PITPNA: variants seen among roughly 807,000 people sequenced by gnomAD.
PITPNA encodes phosphatidylinositol transfer protein alpha isoform.
PITPNA carries 13 observed loss-of-function variants against 50.3 expected under a neutral mutation model. The ratio of observed to expected loss-of-function variants is 0.26; its 90% CI spans 0.17 to 0.41. The LOEUF (loss-of-function observed/expected upper bound fraction) is 0.41, where lower values mean the gene tolerates loss of function less well. Ranked by LOEUF, PITPNA falls within the 10% of genes least tolerant of loss-of-function variation. The probability of loss-of-function intolerance (pLI) is 1.00; values close to 1 mark genes in which losing one functional copy is unlikely to be tolerated. For missense variants in PITPNA, 207 were observed against 333.4 expected, an observed-to-expected ratio of 0.62 and a Z score of 2.95; for synonymous variants, 120 against 119.6, an observed-to-expected ratio of 1.00 and a Z score of -0.02.
intron 8 of PITPNA, 30 bp downstream of exon 8, chr17:1,535,411 G>T: frequency 6.3e-7 from 1 of 1,580,272 alleles, no homozygotes; most frequent in Non-Finnish European, 8.7e-7. Context: ...ATGCTGCCCA[G>T]CCCCCTGGCA....
intron 6 of PITPNA, among the ~76,000 whole-genome samples, chr17:1,540,738 G>A (rs1456854449): frequency 2.0e-5 from 3 of 152,094 alleles, no homozygotes; most frequent in East Asian, 1.9e-4. Flanking sequence ...ACAGGTGCCC[G>A]CCATGAAGCC....
At chr17:1,538,180 A>G (rs1265170481) in intron 7 of PITPNA, among the ~76,000 whole-genome samples, 2 of 152,206 alleles carry the variant, frequency 1.3e-5, no homozygotes, top group East Asian at 3.9e-4. Context: ...CACATTCCCT[A>G]TCAGTGGGCA....
intron 10 of PITPNA, among the ~76,000 whole-genome samples, chr17:1,525,247 C>CA (rs1358908519): frequency 2.6e-5 from 4 of 152,004 alleles, no homozygotes; most frequent in Non-Finnish European, 5.9e-5. Context: ...CTCAGCCTCC[C>CA]AAAGTGCTGG....
At chr17:1,541,115 T>G (rs1339098171) in intron 6 of PITPNA, among the ~76,000 whole-genome samples, 1 of 152,194 alleles carries the variant, frequency 6.6e-6, no homozygotes, top group African/African-American at 2.4e-5. Context: ...TTGCCCAGGA[T>G]GGTCTTACAT....
chr17:1,543,567 A>C (rs1199559418), intron 4 of PITPNA, among the ~76,000 whole-genome samples: 1 of 152,090 alleles, frequency 6.6e-6, no homozygotes, highest in African/African-American at 2.4e-5. Context: ...TGCACCTCTC[A>C]TGTCACTGGG....
intron 10 of PITPNA, among the ~76,000 whole-genome samples, chr17:1,528,018 C>A (rs2075558347): frequency 6.6e-6 from 1 of 152,152 alleles, no homozygotes; most frequent in Non-Finnish European, 1.5e-5. Context: ...CCTGTCTCTA[C>A]AAAAATTAAA....
At position 1,558,549 on chromosome 17, in the gene PITPNA, G is replaced by A. The variant is rs777373225; in HGVS notation, c.31C>T (p.Leu11=). The A allele has an allele frequency of 1.2e-6, 2 of 1,604,086 alleles. No homozygotes were observed. Among genetic ancestry groups the A allele is most frequent in the Non-Finnish European group, 1.7e-6 (2 of 1,171,888 alleles). The change falls in exon 2 of 12, where the codon CTG becomes TTG. Residue 11 remains leucine, a synonymous_variant. Transcript: ENST00000313486. The stretch of plus-strand genomic sequence containing the variant: ...CTTACCTCATCTACAGACACAGGCA[G>A]GATTACTCGACTATAAGAAAGGGAA... MVLLKEYRVI[L]PVSVDEYQVG... is the part of the protein sequence containing the mutation.
At chr17:1,525,796 G>A (rs2075544343) in intron 10 of PITPNA, among the ~76,000 whole-genome samples, 1 of 152,218 alleles carries the variant, frequency 6.6e-6, no homozygotes. Flanking sequence ...GGGATGACAG[G>A]CGTGAGCCAT....
At chr17:1,546,935 T>C (rs1159639580) in intron 4 of PITPNA, among the ~76,000 whole-genome samples, 1 of 152,204 alleles carries the variant, frequency 6.6e-6, no homozygotes, top group African/African-American at 2.4e-5. Context: ...CAGAACATGC[T>C]GTTTCAGCAG....
chr17:1,529,244 T>TG (rs2075567175), intron 10 of PITPNA, among the ~76,000 whole-genome samples: 1 of 151,614 alleles, frequency 6.6e-6, no homozygotes, highest in Non-Finnish European at 1.5e-5. Flanking sequence ...TTTTAGAGGC[T>TG]GGGCATGGTG....
intron 4 of PITPNA, 96 bp from the exon 5 acceptor site, chr17:1,543,123 A>G: frequency 1.1e-6 from 1 of 950,394 alleles, no homozygotes; most frequent in Non-Finnish European, 1.6e-6. Flanking sequence ...GACGAATGGC[A>G]GAGTGTACTT....
chr17:1,526,942 T>C (rs1378705801), intron 10 of PITPNA, among the ~76,000 whole-genome samples: 1 of 152,034 alleles, frequency 6.6e-6, no homozygotes, highest in African/African-American at 2.4e-5. Context: ...GTATTTTTAG[T>C]AGATGGGGTT....
intron 10 of PITPNA, among the ~76,000 whole-genome samples, chr17:1,532,149 A>G (rs1375399266): frequency 6.6e-6 from 1 of 152,122 alleles, no homozygotes; most frequent in Non-Finnish European, 1.5e-5. Context: ...GTGCAATGGC[A>G]TGATCTCTGC....
Position 1,535,080 on chromosome 17 carries a change from G to C in PITPNA, c.645+102C>G, listed in dbSNP as rs200531956. The C allele has an allele frequency of 5.6e-6, 4 of 716,446 alleles. No individual in the cohort carries two copies. In the African/African-American group the frequency reaches 7.0e-5, roughly 13 times the overall value. 44.4% of individuals were successfully genotyped at this position (716,446 alleles called of 1,614,324 possible). Reference sequence around the variant, plus strand: ...CACCGCACACACACGCAGTCACTGGGAAGGCCTCAGCCGAGCTACTCACCT... The same window carrying C: ...CACCGCACACACACGCAGTCACTGGCAAGGCCTCAGCCGAGCTACTCACCT... On this transcript the variant is annotated intron_variant, in intron 9 of 11. Transcript: ENST00000313486.
In PITPNA at chr17:1,562,355, C is replaced by A. The variant is rs966504779; in HGVS notation, c.20+186G>T. On this transcript the variant is annotated intron_variant, in intron 1 of 11. Transcript: ENST00000313486. This position sits in a 1 kb window ranked among gnomAD's most constrained non-coding sequence, Gnocchi z 6.4. ...ACGCCCCGGCCGCCCCTCCGTGCCCCGTGGGCCCCGCCTCACGTGCCGCCC... is the reference window on the plus strand; with the variant it reads ...ACGCCCCGGCCGCCCCTCCGTGCCCAGTGGGCCCCGCCTCACGTGCCGCCC... Among the ~76,000 whole-genome samples, 17 of 151,288 alleles carry A rather than the reference C, an allele frequency of 1.1e-4. No homozygotes were observed. The highest frequency in any genetic ancestry group is 3.9e-4 in the African/African-American group (16 of 41,310).
At chr17:1,536,634 G>C (rs113409839) in intron 7 of PITPNA, among the ~76,000 whole-genome samples, 1 of 151,766 alleles carries the variant, frequency 6.6e-6, no homozygotes, top group African/African-American at 2.4e-5. Context: ...CACTCTGTTG[G>C]CCAGGCTGGA....
At chr17:1,547,045 TTA>T (rs2075678416) in intron 4 of PITPNA, among the ~76,000 whole-genome samples, 1 of 152,036 alleles carries the variant, frequency 6.6e-6, no homozygotes, top group African/African-American at 2.4e-5. Context: ...AAGGAAAATG[TTA>T]TCCATTCACT....
chr17:1,521,587 G>A lies in PITPNA; in HGVS notation c.*14C>T. 3 of 1,610,430 alleles carry A rather than the reference G, an allele frequency of 1.9e-6. No homozygotes were observed. Among genetic ancestry groups the A allele is most frequent in the Non-Finnish European group, 2.5e-6 (3 of 1,176,676 alleles). ...AGAAATTTGGTACGTACAGTGCAGA[G>A]GGGAAAGGCGGCTTTAGTCATCTGC... On this transcript the variant is annotated 3_prime_UTR_variant, in exon 11 of 12. Coordinates refer to ENST00000313486, the MANE Select transcript of PITPNA (RefSeq NM_006224.4).
intron 6 of PITPNA, 98 bp from the exon 7 acceptor site, chr17:1,539,050 C>A: frequency 1.4e-6 from 1 of 693,608 alleles, no homozygotes. Context: ...CCCATAGCCA[C>A]AGATGTAAGA....
Sources: allele counts gnomAD v4.1 joint callset (sites outside exome capture counted in the v4.1 genomes callset), GRCh38; gene constraint gnomAD v4.1.1; non-coding constraint Gnocchi (gnomAD v3.1); transcripts MANE v1.5; gene names NCBI Gene and HGNC (gene_info 2026-07-23, HGNC 2026-07-21).